Variants in RRN3 observed in about 807,000 individuals in gnomAD.
The protein encoded by RRN3 is RNA polymerase I-specific transcription initiation factor RRN3.
A neutral mutation model predicts 82.3 loss-of-function variants in RRN3; 38 were observed. The ratio of observed to expected loss-of-function variants is 0.46; its 90% CI spans 0.36 to 0.61. The LOEUF is 0.61. RRN3 is among the 20% of genes least tolerant of loss of function. The pLI is 0.00. For missense variants in RRN3, 726 were observed against 793.1 expected, an observed-to-expected ratio of 0.92 and a Z score of 1.02; for synonymous variants, 284 against 284.3, an observed-to-expected ratio of 1.00 and a Z score of 0.01.
chr16:15,090,276 T>A (rs1260584203), intron 3 of RRN3, among the ~76,000 whole-genome samples: 1 of 151,900 alleles, frequency 6.6e-6, no homozygotes, highest in African/African-American at 2.4e-5. Flanking sequence ...GGGTAATTAC[T>A]ACAGTGATAA....
At chr16:15,065,843 G>T (rs1331498589) in intron 15 of RRN3, among the ~76,000 whole-genome samples, 1 of 152,196 alleles carries the variant, frequency 6.6e-6, no homozygotes, top group Non-Finnish European at 1.5e-5. Flanking sequence ...CACTGAAAAA[G>T]AAATAAGCCT....
chr16:15,094,132 G>A lies in RRN3; in HGVS notation c.89+13C>T. On this transcript the variant is annotated intron_variant, in intron 1 of 17. Coordinates refer to ENST00000198767, the MANE Select transcript of RRN3 (RefSeq NM_018427.5). Reference sequence around the variant, plus strand: ...CGTCCCAGATACGCAGAAGGAAGCGGCCTGAATCTTACCCAGTCCTCGACG... The same window carrying A: ...CGTCCCAGATACGCAGAAGGAAGCGACCTGAATCTTACCCAGTCCTCGACG... 1.9e-6 allele frequency: 3 copies of A among 1,586,562 alleles called. No individual in the cohort carries two copies. The highest frequency in any genetic ancestry group is 2.6e-6 in the Non-Finnish European group (3 of 1,165,122).
At chr16:15,092,683 T>C (rs1209525511) in intron 1 of RRN3, 69 bp from the exon 2 acceptor site, 12 of 1,043,208 alleles carry the variant, frequency 1.2e-5, no homozygotes, top group South Asian at 2.6e-5. Context: ...CCAACATTTA[T>C]TGAACCAACA....
rs1567215292 is a variant in RRN3, at chr16:15,083,495, A to G, written c.666+18T>C. 1.2e-6 allele frequency: 2 copies of G among 1,608,484 alleles called. No homozygotes were observed. The highest frequency in any genetic ancestry group is 1.7e-6 in the Non-Finnish European group (2 of 1,178,954). On this transcript the variant is annotated intron_variant, in intron 8 of 17. Transcript: ENST00000198767. ...CAAACAACTTTTCCATGATGTTCTC[A>G]ATGAAAAGATTTCTTACCAGTGTTC...
Position 15,074,793 on chromosome 16 carries a change from A to G in RRN3, c.927T>C (p.Pro309=), listed in dbSNP as rs542977183. Residue 309 remains proline, a synonymous_variant, in exon 11 of 18, where the codon CCT becomes CCC. Coordinates refer to ENST00000198767, the MANE Select transcript of RRN3 (RefSeq NM_018427.5). The part of the protein sequence containing the change: ...GPERLDQMVH[P]VAERLDILMS... The stretch of plus-strand genomic sequence containing the variant: ...TCAGGATGTCCAGGCGCTCGGCTAC[A>G]GGATGCACCATCTGGTCGAGCCGTT... 3 of 1,614,122 alleles carry G rather than the reference A, an allele frequency of 1.9e-6. No individual in the cohort carries two copies. In the African/African-American group the frequency reaches 4.0e-5, roughly 22 times the overall value.
intron 13 of RRN3, among the ~76,000 whole-genome samples, chr16:15,070,576 C>T (rs1597901961): frequency 6.6e-6 from 1 of 152,082 alleles, no homozygotes; most frequent in African/African-American, 2.4e-5. Context: ...AAACAGGACA[C>T]GTTCACCAAC....
rs757109707 is a variant in RRN3, at chr16:15,060,373, C to T, written c.*1371G>A. 5.1e-6 allele frequency: 1 copy of T among 197,214 alleles called. No homozygotes were observed. The highest frequency in any genetic ancestry group is 1.1e-5 in the Non-Finnish European group (1 of 94,352). The allele number at this position is 197,214 out of a possible 1,614,324, so 12.2% of individuals were successfully genotyped here. A position where few individuals can be genotyped will look rare whatever the true frequency, so the allele number is the denominator to read the frequency against. The stretch of plus-strand genomic sequence containing the variant: ...TTAAAGCAATAAAAATTTCTATTTT[C>T]CAAAAAAGTATTTACAGACTGAAAT... On this transcript the variant is annotated 3_prime_UTR_variant, in exon 18 of 18. Coordinates refer to ENST00000198767, the MANE Select transcript of RRN3 (RefSeq NM_018427.5).
intron 10 of RRN3, among the ~76,000 whole-genome samples, chr16:15,075,820 G>C (rs1004485483): frequency 6.6e-6 from 1 of 152,070 alleles, no homozygotes; most frequent in Non-Finnish European, 1.5e-5. Flanking sequence ...CCTTTTGCAG[G>C]TCGGGATATC....
Position 15,061,796 on chromosome 16 carries a change from G to T in RRN3, c.1904C>A (p.Ser635Ter), listed in dbSNP as rs761241153. 1 of 1,614,170 alleles carries T rather than the reference G, an allele frequency of 6.2e-7. No individual in the cohort carries two copies. The highest frequency in any genetic ancestry group is 2.2e-5 in the East Asian group (1 of 44,884). Residue 635 changes from serine to a stop codon, truncating the protein, a stop_gained, in exon 18 of 18, where the codon TCA becomes TAA. Coordinates refer to ENST00000198767, the MANE Select transcript of RRN3 (RefSeq NM_018427.5). LOFTEE classifies it high-confidence loss of function. ...SSFDTHFRSPSSSVGSPPVLY... is the reference protein window; with the variant it reads ...SSFDTHFRSP ...CACGGGTGGGGAGCCCACACTACTT[G>T]AAGGACTTCGGAAATGCGTGTCAAA...
rs1260180174 is a variant in RRN3, at chr16:15,061,429, C to G, written c.*315G>C. On this transcript the variant is annotated 3_prime_UTR_variant, in exon 18 of 18. Coordinates refer to ENST00000198767, the MANE Select transcript of RRN3 (RefSeq NM_018427.5). ...AGTCTGCTGCCTATATTAGAAATTA[C>G]CCAGTAATTGTGTCAAAAAGCTGTT... 1 of 311,024 alleles carries G rather than the reference C, an allele frequency of 3.2e-6. No homozygotes were observed. Among genetic ancestry groups the G allele is most frequent in the African/African-American group, 2.1e-5 (1 of 46,780 alleles). The allele number at this position is 311,024 out of a possible 1,614,324, so 19.3% of individuals were successfully genotyped here. A position where few individuals can be genotyped will look rare whatever the true frequency, so the allele number is the denominator to read the frequency against.
intron 9 of RRN3, among the ~76,000 whole-genome samples, chr16:15,076,881 C>T (rs1360850220): frequency 1.3e-5 from 2 of 152,050 alleles, no homozygotes; most frequent in Non-Finnish European, 2.9e-5. Flanking sequence ...TATATAAAAT[C>T]GACAACTATC....
In RRN3 at chr16:15,061,798, A is replaced by C. The variant is rs1248719167; in HGVS notation, c.1902T>G (p.Pro634=). ...PSSFDTHFRS[P]SSSVGSPPVL... is the part of the protein sequence containing the mutation. ...CGGGTGGGGAGCCCACACTACTTGA[A>C]GGACTTCGGAAATGCGTGTCAAAGG... Residue 634 remains proline (P), a synonymous_variant, in exon 18 of 18, where the codon CCT becomes CCG. Transcript: ENST00000198767. 2 of 1,614,190 alleles carry C rather than the reference A, an allele frequency of 1.2e-6. No individual in the cohort carries two copies.
intron 12 of RRN3, among the ~76,000 whole-genome samples, chr16:15,071,847 A>C (rs911681035): frequency 6.6e-6 from 1 of 152,184 alleles, no homozygotes; most frequent in African/African-American, 2.4e-5. Context: ...GGGCTTTGGA[A>C]TCCACATATT....
rs536998513 is a variant in RRN3 at position 15,070,427 on chromosome 16, C to A, written c.1260-173G>T. On this transcript the variant is annotated intron_variant, in intron 13 of 17. Transcript: ENST00000198767. The stretch of plus-strand genomic sequence containing the variant: ...AAGAAAGGAAGGATAAGGATGGGTG[C>A]GTAGGAAGACAACCTTCCAATTACA... Among the ~76,000 whole-genome samples the A allele has an allele frequency of 5.3e-5, 8 of 151,656 alleles. No individual in the cohort carries two copies. The East Asian group carries it at 1.4e-3, about 26-fold the overall frequency.
chr16:15,073,504 C>G (rs1474841458), intron 11 of RRN3, among the ~76,000 whole-genome samples: 1 of 152,056 alleles, frequency 6.6e-6, no homozygotes, highest in Non-Finnish European at 1.5e-5. Context: ...ACCATTAAAA[C>G]AAAATGCTAC....
In RRN3 at chr16:15,076,626, C is replaced by T. The variant is rs1429161171; in HGVS notation, c.790G>A (p.Glu264Lys). 3.7e-6 allele frequency: 6 copies of T among 1,611,814 alleles called. No homozygotes were observed. Among genetic ancestry groups the T allele is most frequent in the Admixed American group, 3.3e-5 (2 of 59,956 alleles). Reference sequence around the variant, plus strand: ...TGAGTTGCTGTTTCTTCAGCATCTTCAATACCCTGCCGGGATGCATTCACC... The same window carrying T: ...TGAGTTGCTGTTTCTTCAGCATCTTTAATACCCTGCCGGGATGCATTCACC... The part of the protein sequence containing the change: ...LDVNASRQGI[E>K]DAEETATQTC... Residue 264 changes from glutamate (E) to lysine (K), a missense_variant, in exon 10 of 18, where the codon GAA becomes AAA. Physicochemically the swap from Glu to Lys is moderately conservative, Grantham distance 56. Transcript: ENST00000198767.
chr16:15,073,639 C>A (rs534561783), intron 11 of RRN3, among the ~76,000 whole-genome samples: 34 of 152,154 alleles, frequency 2.2e-4, no homozygotes, highest in Non-Finnish European at 3.7e-4. Flanking sequence ...TTCTATCATT[C>A]GTGTAGCAAA....
rs745776890 is a variant in RRN3 at position 15,061,833 on chromosome 16, T to C, written c.1867A>G (p.Thr623Ala). ...VPQNDTVIGI[T>A]PSSFDTHFRS... Reference sequence around the variant, plus strand: ...AAATGCGTGTCAAAGGAGCTTGGTGTGATCCCAATCACGGTATCATTCTGG... The same window carrying C: ...AAATGCGTGTCAAAGGAGCTTGGTGCGATCCCAATCACGGTATCATTCTGG... The change falls in exon 18 of 18, where the codon ACA (threonine) becomes GCA (alanine). Residue 623 changes from threonine to alanine, a missense_variant. By Grantham distance (58) the Thr-to-Ala change is moderately conservative. Around this residue, in one of 4 missense-constraint regions of RRN3, gnomAD observed 166 missense variants for 154.8 expected, o/e 1.07. Coordinates refer to ENST00000198767, the MANE Select transcript of RRN3 (RefSeq NM_018427.5). The C allele has an allele frequency of 6.8e-6, 11 of 1,614,050 alleles. No homozygotes were observed. The highest frequency in any genetic ancestry group is 9.3e-6 in the Non-Finnish European group (11 of 1,179,970).
chr16:15,065,368 C>T lies in RRN3; in HGVS notation c.1557G>A (p.Lys519=), dbSNP rs1349819048. Residue 519 remains lysine, a synonymous_variant, in exon 16 of 18, where the codon AAG becomes AAA. Transcript: ENST00000198767. The stretch of plus-strand genomic sequence containing the variant: ...TGGTGTAGCAGAAGACGAGCTGGTA[C>T]TTACTGTGGAACAAAAAAACAACAC... ...VVNFFAAITN[K]YQLVFCYTII... The T allele has an allele frequency of 6.2e-7, 1 of 1,612,872 alleles. No individual in the cohort carries two copies. Among genetic ancestry groups the T allele is most frequent in the Non-Finnish European group, 8.5e-7 (1 of 1,179,230 alleles).
Sources: allele counts gnomAD v4.1 joint callset (sites outside exome capture counted in the v4.1 genomes callset), GRCh38; gene constraint gnomAD v4.1.1; regional missense constraint gnomAD v4.1.1; transcripts MANE v1.5; gene names NCBI Gene and HGNC (gene_info 2026-07-23, HGNC 2026-07-21).